The following SLC24A2 variants were observed in gnomAD, a reference collection of about 807,000 sequenced individuals.
The protein encoded by SLC24A2 is sodium/potassium/calcium exchanger 2.
In SLC24A2, 36 loss-of-function variants were observed where a neutral mutation model predicts 62.0. The observed-to-expected ratio is 0.58, with a 90% CI of 0.44 to 0.77. The LOEUF is 0.77. Among genes scored for constraint, SLC24A2 ranks in the 30% least tolerant of loss-of-function variants. The pLI is 0.00. For synonymous variants in SLC24A2, 358 were observed against 294.0 expected (o/e 1.22, Z -2.23); for missense variants, 846 against 817.9 (o/e 1.03, Z -0.42).
At chr9:20,302,963 A>G in the SLC24A2 span, among the ~76,000 whole-genome samples, 4 of 152,212 alleles carry the variant, frequency 2.6e-5, no homozygotes, top group Admixed American at 2.6e-4. Flanking sequence ...ATAAATTCCT[A>G]AAAGAGAAAT....
At chr9:19,685,518 A>C (rs1418375364) in intron 2 of SLC24A2, among the ~76,000 whole-genome samples, 2 of 152,146 alleles carry the variant, frequency 1.3e-5, no homozygotes, top group Non-Finnish European at 2.9e-5. Flanking sequence ...CTATACTACA[A>C]GGCTACAGTA....
At chr9:20,151,444 C>A in the SLC24A2 span, among the ~76,000 whole-genome samples, 28 of 151,976 alleles carry the variant, frequency 1.8e-4, no homozygotes, top group African/African-American at 6.5e-4. Flanking sequence ...GCATGGCCTT[C>A]TGTTCCATGG....
the SLC24A2 span, among the ~76,000 whole-genome samples, chr9:19,925,468 G>A: frequency 6.6e-6 from 1 of 152,248 alleles, no homozygotes; most frequent in Non-Finnish European, 1.5e-5. Context: ...GTAACTCCTT[G>A]TGTATATATG....
At chr9:20,174,180 C>T in the SLC24A2 span, among the ~76,000 whole-genome samples, 28 of 152,100 alleles carry the variant, frequency 1.8e-4, no homozygotes, top group Middle Eastern at 0.01. Flanking sequence ...TCATCTCTCA[C>T]CTTATACAAA....
chr9:20,048,920 G>A, the SLC24A2 span, among the ~76,000 whole-genome samples: 16,097 of 149,288 alleles, frequency 0.11, 844 homozygotes, highest in East Asian at 0.17. Flanking sequence ...ATTTATTTAT[G>A]TATTTTTTAT....
At chr9:19,545,921 G>GCC (rs1834542759) in intron 8 of SLC24A2, among the ~76,000 whole-genome samples, 1 of 152,198 alleles carries the variant, frequency 6.6e-6, no homozygotes, top group Non-Finnish European at 1.5e-5. Context: ...ACAGCCGTGA[G>GCC]CCACTGCACC....
the SLC24A2 span, among the ~76,000 whole-genome samples, chr9:20,245,970 A>G: frequency 6.6e-6 from 1 of 152,304 alleles, no homozygotes; most frequent in East Asian, 1.9e-4. Flanking sequence ...AATTAGTATA[A>G]GGGGGAGCCA....
At chr9:20,176,713 G>T in the SLC24A2 span, among the ~76,000 whole-genome samples, 2 of 152,008 alleles carry the variant, frequency 1.3e-5, no homozygotes, top group Non-Finnish European at 2.9e-5. Context: ...GGTCTACTTT[G>T]CTTGTAAACG....
the SLC24A2 span, among the ~76,000 whole-genome samples, chr9:20,303,920 G>C: frequency 0.22 from 34,171 of 152,070 alleles, 4,814 homozygotes; most frequent in Middle Eastern, 0.43. Context: ...TTGGAGGTTT[G>C]GATGGGGCAA....
At chr9:20,012,336 T>A in the SLC24A2 span, among the ~76,000 whole-genome samples, 1 of 152,180 alleles carries the variant, frequency 6.6e-6, no homozygotes, top group Non-Finnish European at 1.5e-5. Flanking sequence ...ACTCCCCTTT[T>A]TAAACCATCA....
chr9:19,636,309 CTTTTCTTTTCTTTCTTTCTTTCTTT>C (rs1818323487), intron 2 of SLC24A2, among the ~76,000 whole-genome samples: 4 of 40,438 alleles, frequency 9.9e-5, no homozygotes, highest in African/African-American at 3.0e-4. Context: ...CTTTTCTTTT[CTTTTCTTTTCTTTCTTTCTTTCTTT>C]CTTTCTTTCT....
chr9:20,088,024 G>A, the SLC24A2 span, among the ~76,000 whole-genome samples: 3 of 152,184 alleles, frequency 2.0e-5, no homozygotes, highest in Non-Finnish European at 4.4e-5. Context: ...AGTCTGACAT[G>A]TAGAGATATG....
chr9:19,801,132 G>A, the SLC24A2 span, among the ~76,000 whole-genome samples: 2 of 152,322 alleles, frequency 1.3e-5, no homozygotes, highest in South Asian at 2.1e-4. Context: ...GGCAAGCCTC[G>A]TGTTCTCTGA....
At chr9:20,133,224 G>A in the SLC24A2 span, among the ~76,000 whole-genome samples, 1 of 151,842 alleles carries the variant, frequency 6.6e-6, no homozygotes, top group Non-Finnish European at 1.5e-5. Flanking sequence ...ATACATGCAT[G>A]CATGCACATG....
the SLC24A2 span, among the ~76,000 whole-genome samples, chr9:20,201,662 TTTTTATTTTTAATTAGCCC>T: frequency 6.6e-6 from 1 of 152,252 alleles, no homozygotes; most frequent in African/African-American, 2.4e-5. Context: ...AGTCCTTTTA[TTTTTATTTTTAATTAGCCC>T]TTTTATTTTT....
the SLC24A2 span, among the ~76,000 whole-genome samples, chr9:20,079,202 T>C: frequency 6.6e-6 from 1 of 152,166 alleles, no homozygotes; most frequent in African/African-American, 2.4e-5. Context: ...CAAGGAGGGA[T>C]GAGAGCCCTG....
the SLC24A2 span, among the ~76,000 whole-genome samples, chr9:19,944,276 A>G: frequency 6.6e-6 from 1 of 152,194 alleles, no homozygotes; most frequent in Non-Finnish European, 1.5e-5. Flanking sequence ...AAACAGTCTC[A>G]AAAACGGCAA....
the SLC24A2 span, among the ~76,000 whole-genome samples, chr9:20,068,057 C>CTTTTT: frequency 3.1e-4 from 28 of 89,746 alleles, no homozygotes; most frequent in Non-Finnish European, 4.4e-4. Flanking sequence ...TTTTTTGACT[C>CTTTTT]TTTTTTTTTT....
chr9:19,912,782 T>C, the SLC24A2 span, among the ~76,000 whole-genome samples: 142 of 152,302 alleles, frequency 9.3e-4, no homozygotes, highest in Admixed American at 1.6e-3. Context: ...ATTTGCCTAA[T>C]TGATAATTTT....
Sources: allele counts gnomAD v4.1 joint callset (sites outside exome capture counted in the v4.1 genomes callset), GRCh38; gene constraint gnomAD v4.1.1; transcripts MANE v1.5; gene names NCBI Gene and HGNC (gene_info 2026-07-23, HGNC 2026-07-21).